The following ADAMTS18 variants were observed in gnomAD, a reference collection of about 807,000 sequenced individuals.
ADAMTS18 encodes ADAM metallopeptidase with thrombospondin type 1 motif 18.
In ADAMTS18, 157 loss-of-function variants were observed where a neutral mutation model predicts 165.9. The observed-to-expected ratio is 0.95, with a 90% CI of 0.83 to 1.08. ADAMTS18 has a LOEUF of 1.08. Among genes scored for constraint, ADAMTS18 ranks in the 50% least tolerant of loss-of-function variants. The probability of loss-of-function intolerance (pLI) is 0.00; values close to 1 mark genes in which losing one functional copy is unlikely to be tolerated. For synonymous variants in ADAMTS18, 782 were observed against 578.2 expected, an observed-to-expected ratio of 1.35 and a Z score of -5.06; for missense variants, 2,040 against 1,534.0, an observed-to-expected ratio of 1.33 and a Z score of -5.51.
At chr16:77,320,128 C>A (rs894602031) in intron 15 of ADAMTS18, 35 bp from the exon 16 acceptor site, 1 of 1,613,324 alleles carries the variant, frequency 6.2e-7, no homozygotes, top group African/African-American at 1.3e-5. Context: ...CTGAATTCCA[C>A]CCCATGCATT....
At chr16:77,374,775 T>C (rs1038858256) in intron 3 of ADAMTS18, among the ~76,000 whole-genome samples, 1 of 152,120 alleles carries the variant, frequency 6.6e-6, no homozygotes, top group African/African-American at 2.4e-5. Flanking sequence ...ATAATAATAA[T>C]GGGCATCCTA....
At chr16:77,391,943 G>A (rs769849418) in intron 3 of ADAMTS18, among the ~76,000 whole-genome samples, 1 of 152,150 alleles carries the variant, frequency 6.6e-6, no homozygotes. Flanking sequence ...TTTAATAAAT[G>A]TAATTGATAC....
chr16:77,356,121 T>C (rs754336718), intron 8 of ADAMTS18, 44 bp from the exon 9 acceptor site: 4 of 1,612,578 alleles, frequency 2.5e-6, no homozygotes, highest in African/African-American at 2.7e-5. Flanking sequence ...TGTGAACCCA[T>C]TTTTTTGAAG....
intron 3 of ADAMTS18, among the ~76,000 whole-genome samples, chr16:77,371,032 T>C (rs990079588): frequency 2.6e-5 from 4 of 152,076 alleles, no homozygotes; most frequent in African/African-American, 9.7e-5. Context: ...CTGGGCAACA[T>C]AGTGAAACCC....
chr16:77,365,119 C>A (rs549024233), intron 4 of ADAMTS18, among the ~76,000 whole-genome samples: 1 of 152,198 alleles, frequency 6.6e-6, no homozygotes, highest in East Asian at 1.9e-4. Flanking sequence ...AACACCCAAC[C>A]ACACCTACGC....
Position 77,341,718 on chromosome 16 carries a change from A to C in ADAMTS18, c.1696T>G (p.Cys566Gly). 1 of 1,613,662 alleles carries C rather than the reference A, an allele frequency of 6.2e-7. No homozygotes were observed. Among genetic ancestry groups the C allele is most frequent in the Non-Finnish European group, 8.5e-7 (1 of 1,179,788 alleles). Residue 566 changes from cysteine (C) to glycine (G), a missense_variant, in exon 11 of 23, where the codon TGT becomes GGT. Cys to Gly is a radical substitution (Grantham distance 159). Coordinates refer to ENST00000282849, the MANE Select transcript of ADAMTS18 (RefSeq NM_199355.4). Reference protein sequence around the residue: ...KFMPAAEGTVCGLSMWCRQGQ... With the variant: ...KFMPAAEGTVGGLSMWCRQGQ... ...ATGCAGTTTACCATACTCAAGCCAC[A>C]AACGGTCCCTTCTGCTGCGGGCATA...
intron 19 of ADAMTS18, among the ~76,000 whole-genome samples, chr16:77,293,791 A>C (rs1162057210): frequency 6.7e-6 from 1 of 149,112 alleles, no homozygotes; most frequent in African/African-American, 2.5e-5. Context: ...TGCAGTTCAC[A>C]ACAGGGTTCA....
chr16:77,374,438 C>A (rs1278514958), intron 3 of ADAMTS18, among the ~76,000 whole-genome samples: 2 of 152,206 alleles, frequency 1.3e-5, no homozygotes, highest in African/African-American at 4.8e-5. Flanking sequence ...GAAAACCCAG[C>A]AGGAAGCACA....
intron 13 of ADAMTS18, among the ~76,000 whole-genome samples, chr16:77,323,226 C>T (rs747460200): frequency 6.6e-5 from 10 of 152,116 alleles, no homozygotes; most frequent in Non-Finnish European, 8.8e-5. Context: ...TTCCAGATAA[C>T]GTTTCTCACA....
At chr16:77,345,569 C>A (rs754497051) in intron 10 of ADAMTS18, among the ~76,000 whole-genome samples, 18 of 152,218 alleles carry the variant, frequency 1.2e-4, no homozygotes, top group Non-Finnish European at 2.2e-4. Flanking sequence ...TTTACCCGCA[C>A]CCTTGCCCAG....
chr16:77,300,366 C>T lies in ADAMTS18; in HGVS notation c.2571G>A (p.Lys857=). The T allele has an allele frequency of 6.2e-7, 1 of 1,614,064 alleles. No homozygotes were observed. Among genetic ancestry groups the T allele is most frequent in the Non-Finnish European group, 8.5e-7 (1 of 1,179,982 alleles). Residue 857 remains lysine (K), a synonymous_variant, in exon 17 of 23, where the codon AAG becomes AAA. Transcript: ENST00000282849. The part of the protein sequence containing the change: ...MQGKNPGIAW[K]YALPKVMNGT... Reference sequence around the variant, plus strand: ...CATTCATGACCTTGGGAAGTGCATACTTCCAAGCTATCCCTGGATTTTTGC... The same window carrying T: ...CATTCATGACCTTGGGAAGTGCATATTTCCAAGCTATCCCTGGATTTTTGC...
chr16:77,350,065 G>T (rs142004536), intron 10 of ADAMTS18, among the ~76,000 whole-genome samples: 81 of 152,264 alleles, frequency 5.3e-4, no homozygotes, highest in African/African-American at 1.9e-3. Flanking sequence ...GACAGCGCTT[G>T]GGACCCTCTG....
chr16:77,376,706 T>C (rs943045963), intron 3 of ADAMTS18, among the ~76,000 whole-genome samples: 3 of 152,224 alleles, frequency 2.0e-5, no homozygotes, highest in African/African-American at 7.2e-5. Context: ...GTCAATATTC[T>C]ATTTAAATAG....
chr16:77,379,049 AT>A (rs11301247), intron 3 of ADAMTS18: 37,256 of 152,148 alleles, frequency 0.24, 5,163 homozygotes, highest in East Asian at 0.54. Flanking sequence ...AAGAGAAACC[AT>A]AAATTTTTCT....
chr16:77,386,537 C>A (rs940058501), intron 3 of ADAMTS18, among the ~76,000 whole-genome samples: 4 of 152,088 alleles, frequency 2.6e-5, no homozygotes, highest in African/African-American at 9.7e-5. Flanking sequence ...GAGTGGCCGC[C>A]CCATAAAGAT....
chr16:77,427,245 A>C (rs1197599762), intron 3 of ADAMTS18, among the ~76,000 whole-genome samples: 1 of 152,206 alleles, frequency 6.6e-6, no homozygotes, highest in East Asian at 1.9e-4. Flanking sequence ...TCTGATAATC[A>C]CTGTCCTGAC....
chr16:77,335,562 T>G (rs2056295290), intron 12 of ADAMTS18, among the ~76,000 whole-genome samples, 194 bp downstream of exon 12: 1 of 152,118 alleles, frequency 6.6e-6, no homozygotes, highest in Non-Finnish European at 1.5e-5. Flanking sequence ...GATACCTCAT[T>G]ATGCTGATTT....
At chr16:77,295,854 T>A (rs909119439) in intron 18 of ADAMTS18, among the ~76,000 whole-genome samples, 1 of 152,148 alleles carries the variant, frequency 6.6e-6, no homozygotes, top group African/African-American at 2.4e-5. Flanking sequence ...AAACTTTTTT[T>A]GTTTTTGAGA....
At chr16:77,417,462 T>C (rs2057545304) in intron 3 of ADAMTS18, among the ~76,000 whole-genome samples, 2 of 152,180 alleles carry the variant, frequency 1.3e-5, no homozygotes, top group South Asian at 4.1e-4. Flanking sequence ...TGCTGCTAAT[T>C]ATATAAATGC....
Sources: gnomAD v4.1 joint callset for allele counts (sites outside exome capture counted in the v4.1 genomes callset) on GRCh38, gnomAD v4.1.1 for gene constraint, MANE v1.5 for transcripts, NCBI Gene and HGNC (gene_info 2026-07-23, HGNC 2026-07-21) for gene names.